MGAT5B: variants seen among roughly 807,000 people sequenced by gnomAD.
MGAT5B encodes the protein N-acetylglucosaminyl-transferase Vb.
A neutral mutation model predicts 95.1 loss-of-function variants in MGAT5B; 54 were observed. The ratio of observed to expected loss-of-function variants is 0.57; its 90% CI spans 0.46 to 0.71. The LOEUF is 0.71. Ranked by LOEUF, MGAT5B falls within the 30% of genes least tolerant of loss-of-function variation. The pLI is 0.00. For synonymous variants in MGAT5B, 464 were observed against 451.0 expected (o/e 1.03, Z -0.36); for missense variants, 935 against 1,088.6 (o/e 0.86, Z 1.99).
intron 1 of MGAT5B, among the ~76,000 whole-genome samples, chr17:76,871,411 G>A (rs1476076700): frequency 1.3e-5 from 2 of 152,166 alleles, no homozygotes; most frequent in East Asian, 3.9e-4. Context: ...TTCCTGCTGG[G>A]GGTGTGGTCT....
rs1468701392 is a variant in MGAT5B at position 76,905,162 on chromosome 17, C to A, written c.691-7C>A. The stretch of plus-strand genomic sequence containing the variant: ...GGGGCAGAGAGCTGAGGTCTGGACC[C>A]CTCCAGGCAGTTTTCCGAAGCAACC... On this transcript the variant is annotated splice_region_variant and splice_polypyrimidine_tract_variant and intron_variant, in intron 6 of 17. Transcript: ENST00000569840. This position sits in a 1 kb window ranked among gnomAD's most constrained non-coding sequence, Gnocchi z 4.2. The A allele has an allele frequency of 3.1e-6, 5 of 1,607,112 alleles. No homozygotes were observed. The highest frequency in any genetic ancestry group is 2.2e-5 in the East Asian group (1 of 44,662).
chr17:76,933,891 A>G (rs899902155), intron 12 of MGAT5B, among the ~76,000 whole-genome samples: 8 of 152,072 alleles, frequency 5.3e-5, no homozygotes, highest in African/African-American at 9.7e-5. Flanking sequence ...GCCTTGCCTC[A>G]TGGTTCAAGA....
chr17:76,887,361 C>A (rs898726688), intron 3 of MGAT5B, among the ~76,000 whole-genome samples: 13 of 151,934 alleles, frequency 8.6e-5, no homozygotes, highest in Admixed American at 6.6e-5. Context: ...GCCTTAGAAG[C>A]CCACCTCTTC....
At chr17:76,933,339 CCCTT>C (rs1598988933) in intron 12 of MGAT5B, 42 bp downstream of exon 12, 3 of 1,597,622 alleles carry the variant, frequency 1.9e-6, no homozygotes, top group Non-Finnish European at 2.5e-6. Flanking sequence ...ACCCTCTGCT[CCCTT>C]CCCCTCTCCA....
Position 76,868,922 on chromosome 17 carries a change from A to C in MGAT5B, c.-108A>C, listed in dbSNP as rs574700314. On this transcript the variant is annotated 5_prime_UTR_variant, in exon 1 of 18. Coordinates refer to ENST00000569840, the MANE Select transcript of MGAT5B (RefSeq NM_001199172.2). This position sits in a 1 kb window ranked among gnomAD's most constrained non-coding sequence, Gnocchi z 6.3. ...GCCGCGCGCTCCCAGCTTCGCTCGG[A>C]CGCGGCTTCGGCCCGCAGAGGGTTC... 264 of 1,054,332 alleles carry C rather than the reference A, an allele frequency of 2.5e-4. No homozygotes were observed. In the African/African-American group the frequency reaches 4.1e-3, roughly 17 times the overall value. 65.3% of individuals were successfully genotyped at this position (1,054,332 alleles called of 1,614,324 possible).
rs778848821 is a variant in MGAT5B, at chr17:76,926,673, T to C, written c.1234T>C (p.Tyr412His). ...NHEEYATLHG[Y>H]RTNWGYWNLN... ...CGAGGAGTACGCCACGCTGCACGGC[T>C]ACCGGACCAACTGGGGCTACTGGAA... Residue 412 changes from tyrosine (Y) to histidine (H), a missense_variant, in exon 10 of 18, where the codon TAC becomes CAC. By Grantham distance (83) the Tyr-to-His change is moderately conservative. Around this residue, in one of 4 missense-constraint regions of MGAT5B, gnomAD observed 440 missense variants for 523.6 expected, o/e 0.84. Coordinates refer to ENST00000569840, the MANE Select transcript of MGAT5B (RefSeq NM_001199172.2). 4 of 1,612,760 alleles carry C rather than the reference T, an allele frequency of 2.5e-6. No homozygotes were observed. Among genetic ancestry groups the C allele is most frequent in the East Asian group, 2.2e-5 (1 of 44,872 alleles).
At position 76,905,195 on chromosome 17, in the gene MGAT5B, C is replaced by G; in HGVS notation, c.717C>G (p.His239Gln). The change falls in exon 7 of 18, where the codon CAC becomes CAG. Residue 239 changes from histidine to glutamine, a missense_variant. Around this residue, in one of 4 missense-constraint regions of MGAT5B, gnomAD observed 243 missense variants for 305.5 expected, o/e 0.80. Transcript: ENST00000569840. This position sits in a 1 kb window ranked among gnomAD's most constrained non-coding sequence, Gnocchi z 4.2. Reference sequence around the variant, plus strand: ...CAGTTTTCCGAAGCAACCTGTCCCACCTTCTGGACCTGATGGGCAGCGGGA... The same window carrying G: ...CAGTTTTCCGAAGCAACCTGTCCCAGCTTCTGGACCTGATGGGCAGCGGGA... ...VQAVFRSNLS[H>Q]LLDLMGSGKE... The G allele has an allele frequency of 1.2e-6, 2 of 1,612,704 alleles. No homozygotes were observed. Among genetic ancestry groups the G allele is most frequent in the Non-Finnish European group, 1.7e-6 (2 of 1,178,952 alleles).
At chr17:76,892,980 AG>A (rs1967931685) in intron 3 of MGAT5B, among the ~76,000 whole-genome samples, 1 of 152,136 alleles carries the variant, frequency 6.6e-6, no homozygotes, top group South Asian at 2.1e-4. Context: ...CCAAGGGCTG[AG>A]GGGTGAGCTC....
chr17:76,921,185 G>A (rs960946992), intron 8 of MGAT5B, among the ~76,000 whole-genome samples: 54 of 152,180 alleles, frequency 3.5e-4, no homozygotes, highest in African/African-American at 8.0e-4. Flanking sequence ...ACAGGGCACC[G>A]TCGCAGGAGA....
chr17:76,892,291 G>T (rs980392242), intron 3 of MGAT5B, among the ~76,000 whole-genome samples: 2 of 152,182 alleles, frequency 1.3e-5, no homozygotes, highest in Non-Finnish European at 2.9e-5. Flanking sequence ...CAGGTGATCC[G>T]CCCGCCCCGG....
In MGAT5B at chr17:76,915,675, G is replaced by A. The variant is rs1004688728; in HGVS notation, c.1026-9291G>A. On this transcript the variant is annotated intron_variant, in intron 8 of 17. Transcript: ENST00000569840. This position sits in a 1 kb window ranked among gnomAD's most constrained non-coding sequence, Gnocchi z 8.7. ...GATTAGGAAAAGGTGGGGAAGAACC[G>A]CATCTTGGCACCTAGACTTGTGAAT... Among the ~76,000 whole-genome samples the A allele has an allele frequency of 7.9e-5, 12 of 152,164 alleles. No individual in the cohort carries two copies. The highest frequency in any genetic ancestry group is 1.9e-4 in the East Asian group (1 of 5,186).
chr17:76,921,861 A>G (rs1466469102), intron 8 of MGAT5B, among the ~76,000 whole-genome samples: 1 of 152,106 alleles, frequency 6.6e-6, no homozygotes, highest in African/African-American at 2.4e-5. Context: ...TCTGTTTCCT[A>G]ATCTGTAAAG....
At position 76,903,390 on chromosome 17, in the gene MGAT5B, C is replaced by A. The variant is rs974432379; in HGVS notation, c.519+14C>A. On this transcript the variant is annotated intron_variant, in intron 5 of 17. Coordinates refer to ENST00000569840, the MANE Select transcript of MGAT5B (RefSeq NM_001199172.2). ...GGGAAGGTGGAGGTGAGGCCTGGGG[C>A]TGAGGGGTGGGGATGTCTACAGCTA... The A allele has an allele frequency of 2.5e-6, 4 of 1,604,036 alleles. No homozygotes were observed. The highest frequency in any genetic ancestry group is 1.7e-5 in the Admixed American group (1 of 59,150).
chr17:76,877,084 G>A (rs1264359014), intron 2 of MGAT5B, among the ~76,000 whole-genome samples: 2 of 152,168 alleles, frequency 1.3e-5, no homozygotes, highest in Non-Finnish European at 2.9e-5. Context: ...CCAACACTTT[G>A]GGAGGCTGAG....
Position 76,914,789 on chromosome 17 carries a change from C to T in MGAT5B, c.1025+8602C>T, listed in dbSNP as rs992188824. Among the ~76,000 whole-genome samples, 3 of 152,186 alleles carry T rather than the reference C, an allele frequency of 2.0e-5. No homozygotes were observed. The highest frequency in any genetic ancestry group is 2.9e-5 in the Non-Finnish European group (2 of 68,032). Reference sequence around the variant, plus strand: ...AGTAGCTGGGACTACAGGAATGTGCCACCATGCCCAGCTAATTTTTGTATT... The same window carrying T: ...AGTAGCTGGGACTACAGGAATGTGCTACCATGCCCAGCTAATTTTTGTATT... On this transcript the variant is annotated intron_variant, in intron 8 of 17. Transcript: ENST00000569840. The surrounding 1 kb of genome is among the most constrained non-coding windows in gnomAD (Gnocchi z 5.1).
At chr17:76,923,356 A>G (rs758265273) in intron 8 of MGAT5B, among the ~76,000 whole-genome samples, 2 of 149,372 alleles carry the variant, frequency 1.3e-5, no homozygotes, top group Non-Finnish European at 3.0e-5. Context: ...CCTCCCTAGT[A>G]GGAGGTGTCC....
chr17:76,898,913 G>A (rs968027786), intron 3 of MGAT5B, among the ~76,000 whole-genome samples: 1 of 152,188 alleles, frequency 6.6e-6, no homozygotes, highest in Non-Finnish European at 1.5e-5. Flanking sequence ...CCGAGCACAG[G>A]GCCCACGCTG....
intron 16 of MGAT5B, among the ~76,000 whole-genome samples, 159 bp from the exon 17 acceptor site, chr17:76,947,671 A>G (rs1265747160): frequency 1.3e-5 from 2 of 152,220 alleles, no homozygotes; most frequent in African/African-American, 2.4e-5. Context: ...ACGAGTGTCC[A>G]TGAGAAGTAA....
Position 76,872,836 on chromosome 17 carries a change from C to A in MGAT5B, c.69-15C>A. 6.2e-7 allele frequency: 1 copy of A among 1,614,210 alleles called. No individual in the cohort carries two copies. Among genetic ancestry groups the A allele is most frequent in the South Asian group, 1.1e-5 (1 of 91,080 alleles). ...CCCTTCCTGCCCTCCTGACCCGCCT[C>A]CTTCCTCTCCGCAGGCTTTTTGTCC... On this transcript the variant is annotated splice_polypyrimidine_tract_variant and intron_variant, in intron 1 of 17. Coordinates refer to ENST00000569840, the MANE Select transcript of MGAT5B (RefSeq NM_001199172.2).
Sources: gnomAD v4.1 joint callset for allele counts (sites outside exome capture counted in the v4.1 genomes callset) on GRCh38, gnomAD v4.1.1 for gene constraint, gnomAD v4.1.1 regional missense constraint, Gnocchi (gnomAD v3.1) non-coding constraint, MANE v1.5 for transcripts, NCBI Gene and HGNC (gene_info 2026-07-23, HGNC 2026-07-21) for gene names.